TMEM233: variants seen among roughly 807,000 people sequenced by gnomAD.
The protein encoded by TMEM233 is dispanin subfamily B member 2.
TMEM233 carries 6 observed loss-of-function variants against 11.2 expected under a neutral mutation model. The ratio of observed to expected loss-of-function variants is 0.54; its 90% CI spans 0.29 to 1.06. TMEM233 has a LOEUF of 1.06. Among genes scored for constraint, TMEM233 ranks in the 50% least tolerant of loss-of-function variants. TMEM233 has a pLI of 0.08. For synonymous variants in TMEM233, 59 were observed against 55.8 expected, an observed-to-expected ratio of 1.06 and a Z score of -0.26; for missense variants, 127 against 144.7, an observed-to-expected ratio of 0.88 and a Z score of 0.63.
chr12:119,643,153 C>A (rs1384831860), downstream of TMEM233: 1 of 152,294 alleles, frequency 6.6e-6, no homozygotes, highest in Non-Finnish European at 1.5e-5. Context: ...CTCATCTAGT[C>A]CAGCATCAGT....
At chr12:119,634,198 T>G (rs1022664611) in intron 2 of TMEM233, 1 of 981,978 alleles carries the variant, frequency 1.0e-6, no homozygotes. Flanking sequence ...ACAGGGAGCC[T>G]CCTTTGTAAC....
rs566389393 is a variant in TMEM233, at chr12:119,595,328, G to C, written c.186+1294G>C. Among the ~76,000 whole-genome samples, 24 of 152,330 alleles carry C rather than the reference G, an allele frequency of 1.6e-4. No individual in the cohort carries two copies. The highest frequency in any genetic ancestry group is 5.5e-4 in the African/African-American group (23 of 41,578). On this transcript the variant is annotated intron_variant, in intron 1 of 2. Transcript: ENST00000426426. The surrounding 1 kb of genome is among the most constrained non-coding windows in gnomAD (Gnocchi z 4.3). The stretch of plus-strand genomic sequence containing the variant: ...CACAGACGCAGAGCCCTGATTCAGC[G>C]CTGTGAAAATCGCTAGCCACCCGTC...
intron 2 of TMEM233, chr12:119,631,108 T>C (rs1351357275): frequency 6.6e-6 from 1 of 152,194 alleles, no homozygotes; most frequent in East Asian, 1.9e-4. Flanking sequence ...AAATGACAAG[T>C]CCAGATCCAT....
At chr12:119,608,032 A>G (rs1311563443) in intron 1 of TMEM233, among the ~76,000 whole-genome samples, 1 of 152,226 alleles carries the variant, frequency 6.6e-6, no homozygotes, top group Non-Finnish European at 1.5e-5. Flanking sequence ...AAGATCATTG[A>G]GGACAGAGAA....
chr12:119,643,268 T>C (rs1000357671), downstream of TMEM233, among the ~76,000 whole-genome samples: 8 of 152,184 alleles, frequency 5.3e-5, no homozygotes, highest in African/African-American at 1.9e-4. Flanking sequence ...AAAATGTTGG[T>C]CCTATTAAAG....
At chr12:119,615,185 A>AAAAAAAAAAC (rs1555265661) in intron 1 of TMEM233, among the ~76,000 whole-genome samples, 22 of 142,138 alleles carry the variant, frequency 1.5e-4, no homozygotes, top group African/African-American at 5.2e-4. Flanking sequence ...AAAAAAAAAA[A>AAAAAAAAAAC]AAAAAAAAAA....
intron 1 of TMEM233, among the ~76,000 whole-genome samples, chr12:119,610,713 T>A (rs962455696): frequency 6.6e-6 from 1 of 152,236 alleles, no homozygotes; most frequent in Non-Finnish European, 1.5e-5. Context: ...GTAAGTTTCC[T>A]GAGGCTTCCC....
chr12:119,623,689 T>G lies in TMEM233; in HGVS notation c.187-6047T>G, dbSNP rs545852868. The stretch of plus-strand genomic sequence containing the variant: ...GAAGATTCTGGTACACCCCAAAGAT[T>G]GCAGATTTAGAATAAGAGCAAGGCA... On this transcript the variant is annotated intron_variant, in intron 1 of 2. Transcript: ENST00000426426. Among the ~76,000 whole-genome samples the G allele has an allele frequency of 2.7e-4, 41 of 152,196 alleles. No individual in the cohort carries two copies. The South Asian group carries it at 8.5e-3, about 32-fold the overall frequency.
At chr12:119,617,605 G>A (rs139348394) in intron 1 of TMEM233, among the ~76,000 whole-genome samples, 363 of 152,204 alleles carry the variant, frequency 2.4e-3, no homozygotes, top group African/African-American at 8.4e-3. Flanking sequence ...AGGCCAAGGT[G>A]GGCAGATTAC....
intron 1 of TMEM233, among the ~76,000 whole-genome samples, chr12:119,597,161 A>G (rs1954065160): frequency 6.6e-6 from 1 of 152,212 alleles, no homozygotes; most frequent in Non-Finnish European, 1.5e-5. Flanking sequence ...TGGGAGACCA[A>G]TTCTGCCAGG....
chr12:119,645,045 T>C (rs1206204971), downstream of TMEM233, among the ~76,000 whole-genome samples: 2 of 152,146 alleles, frequency 1.3e-5, no homozygotes, highest in African/African-American at 4.8e-5. Flanking sequence ...CTGGCTGTAC[T>C]AAAGGGAAGG....
chr12:119,627,815 T>G (rs1283709876), intron 1 of TMEM233, among the ~76,000 whole-genome samples: 1 of 152,122 alleles, frequency 6.6e-6, no homozygotes, highest in Non-Finnish European at 1.5e-5. Flanking sequence ...TCAAAGCTCC[T>G]CTCCATAAGA....
chr12:119,652,576 G>A, the TMEM233 span, among the ~76,000 whole-genome samples: 2 of 152,262 alleles, frequency 1.3e-5, no homozygotes, highest in Admixed American at 6.5e-5. Flanking sequence ...GTCTTATTAG[G>A]CAGCAGAATC....
Position 119,601,152 on chromosome 12 carries a change from T to G in TMEM233, c.186+7118T>G, listed in dbSNP as rs149540666. On this transcript the variant is annotated intron_variant, in intron 1 of 2. Coordinates refer to ENST00000426426, the MANE Select transcript of TMEM233 (RefSeq NM_001136534.3). Reference sequence around the variant, plus strand: ...GCAATATAGAAAAAATTCCCAGAACTGAACGCATGAATTTCCAGATTAAAA... The same window carrying G: ...GCAATATAGAAAAAATTCCCAGAACGGAACGCATGAATTTCCAGATTAAAA... Among the ~76,000 whole-genome samples, 5 of 152,214 alleles carry G rather than the reference T, an allele frequency of 3.3e-5. No individual in the cohort carries two copies. The East Asian group carries it at 9.7e-4, about 29-fold the overall frequency.
rs1345152396 is a variant in TMEM233 at position 119,642,005 on chromosome 12, G to A, written c.*1300G>A. 6.6e-6 allele frequency: 1 copy of A among 152,130 alleles called. No individual in the cohort carries two copies. Among genetic ancestry groups the A allele is most frequent in the Admixed American group, 6.6e-5 (1 of 15,260 alleles). The allele number at this position is 152,130 out of a possible 1,614,324, so 9.4% of individuals were successfully genotyped here. A position where few individuals can be genotyped will look rare whatever the true frequency, so the allele number is the denominator to read the frequency against. On this transcript the variant is annotated 3_prime_UTR_variant, in exon 3 of 3. Coordinates refer to ENST00000426426, the MANE Select transcript of TMEM233 (RefSeq NM_001136534.3). ...CCTTCCATTTACAGCTTCCCACAGT[G>A]GGGGATGTGACATATTGTTTCTGTT...
At chr12:119,618,814 A>C (rs7308969) in intron 1 of TMEM233, among the ~76,000 whole-genome samples, 59,041 of 151,934 alleles carry the variant, frequency 0.39, 12,831 homozygotes, top group African/African-American at 0.57. Flanking sequence ...TCAGATGAGA[A>C]CTTGGACTTG....
chr12:119,634,484 A>C (rs1298861228), intron 2 of TMEM233, among the ~76,000 whole-genome samples: 1 of 152,052 alleles, frequency 6.6e-6, no homozygotes, highest in Non-Finnish European at 1.5e-5. Flanking sequence ...TTGGTGGCGC[A>C]TACCTGTCAT....
chr12:119,604,859 C>T (rs1050420790), intron 1 of TMEM233, among the ~76,000 whole-genome samples: 2 of 152,150 alleles, frequency 1.3e-5, no homozygotes, highest in Non-Finnish European at 2.9e-5. Context: ...GTCTCAAACT[C>T]CTGGCCTTAA....
chr12:119,594,623 A>G lies in TMEM233; in HGVS notation c.186+589A>G, dbSNP rs1276981796. ...GGCGATTCCTGATGCCCCCTCCTTG[A>G]TCCCGTTTCCGCGCTTTGGCACGGC... On this transcript the variant is annotated intron_variant, in intron 1 of 2. Transcript: ENST00000426426. The surrounding 1 kb of genome is among the most constrained non-coding windows in gnomAD (Gnocchi z 5.6). 1 of 152,814 alleles carries G rather than the reference A, an allele frequency of 6.5e-6. No individual in the cohort carries two copies. The highest frequency in any genetic ancestry group is 6.5e-5 in the Admixed American group (1 of 15,316). 9.5% of individuals were successfully genotyped at this position (152,814 alleles called of 1,614,324 possible). A position where few individuals can be genotyped will look rare whatever the true frequency, so the allele number is the denominator to read the frequency against.
Sources: gnomAD v4.1 joint callset for allele counts (sites outside exome capture counted in the v4.1 genomes callset) on GRCh38, gnomAD v4.1.1 for gene constraint, Gnocchi (gnomAD v3.1) non-coding constraint, MANE v1.5 for transcripts, NCBI Gene and HGNC (gene_info 2026-07-23, HGNC 2026-07-21) for gene names.